OTOGL: variants seen among roughly 807,000 people sequenced by gnomAD.
The protein encoded by OTOGL is otogelin-like protein.
OTOGL carries 285 observed loss-of-function variants against 318.5 expected under a neutral mutation model. The observed-to-expected ratio is 0.89, with a 90% CI of 0.81 to 0.99. OTOGL has a LOEUF of 0.99. Ranked by LOEUF, OTOGL falls within the 50% of genes least tolerant of loss-of-function variation. The pLI, the probability that OTOGL is intolerant of heterozygous loss-of-function variation, is 0.00. For missense variants in OTOGL, 2,899 were observed against 2,845.6 expected (o/e 1.02, Z -0.43); for synonymous variants, 987 against 936.5 (o/e 1.05, Z -0.99).
intron 11 of OTOGL, among the ~76,000 whole-genome samples, chr12:80,241,849 G>T (rs1880408034): frequency 6.6e-6 from 1 of 152,062 alleles, no homozygotes; most frequent in Non-Finnish European, 1.5e-5. Flanking sequence ...TGATCTTGTT[G>T]CTACATTTTT....
chr12:80,250,523 T>C (rs1275169523), intron 11 of OTOGL, among the ~76,000 whole-genome samples: 1 of 152,200 alleles, frequency 6.6e-6, no homozygotes, highest in Non-Finnish European at 1.5e-5. Context: ...GTAATGTCTT[T>C]CCAGGAATTT....
At chr12:80,237,719 C>T (rs970958514) in intron 9 of OTOGL, among the ~76,000 whole-genome samples, 12 of 152,130 alleles carry the variant, frequency 7.9e-5, no homozygotes, top group African/African-American at 2.9e-4. Context: ...GATTTTACTC[C>T]AAGAGAGCAA....
At chr12:80,371,015 A>T (rs1890847674) in intron 56 of OTOGL, among the ~76,000 whole-genome samples, 2 of 152,080 alleles carry the variant, frequency 1.3e-5, no homozygotes, top group African/African-American at 4.8e-5. Flanking sequence ...GAGCTTGGCC[A>T]ATTTTCTTTC....
rs1380203281 is a variant in OTOGL, at chr12:80,308,069, G to A, written c.3333+2374G>A. On this transcript the variant is annotated intron_variant, in intron 29 of 58. Coordinates refer to ENST00000547103, the MANE Select transcript of OTOGL (RefSeq NM_001378609.3). ...GGGCTGATCCCCCCACCTCCCTCCC[G>A]GACGGGGCGGCTGGCCGGGTGGGGG... is the stretch of plus-strand genomic sequence containing the variant. Among the ~76,000 whole-genome samples, 17 of 137,904 alleles carry A rather than the reference G, an allele frequency of 1.2e-4. 1 individual carries two copies. Among genetic ancestry groups the A allele is most frequent in the South Asian group, 2.3e-4 (1 of 4,440 alleles). The allele number at this position is 137,904 out of a possible 152,430, so 90.5% of individuals were successfully genotyped here. A position where few individuals can be genotyped will look rare whatever the true frequency, so the allele number is the denominator to read the frequency against.
intron 34 of OTOGL, 113 bp downstream of exon 34, chr12:80,320,813 TA>T: frequency 8.7e-7 from 1 of 1,145,516 alleles, no homozygotes; most frequent in South Asian, 1.7e-5. Context: ...GATAGACTTT[TA>T]TGACCTTAAG....
Position 80,217,632 on chromosome 12 carries a change from A to G in OTOGL, c.203A>G (p.Asp68Gly). The change falls in exon 5 of 59, where the codon GAT becomes GGT. Residue 68 changes from aspartate (D) to glycine (G), a missense_variant. Physicochemically the swap from Asp to Gly is moderately conservative, Grantham distance 94. Transcript: ENST00000547103. ...ACTTCTCCGAGATACTTTTTCCATG[A>G]TGCTATTAATTGGGGTGAGAGCAAA... The part of the protein sequence containing the change: ...EATSPRYFFH[D>G]AINWGESKIK... 6.4e-7 allele frequency: 1 copy of G among 1,555,298 alleles called. No individual in the cohort carries two copies. The highest frequency in any genetic ancestry group is 1.2e-5 in the South Asian group (1 of 86,634).
At chr12:80,138,494 G>A (rs1214535341) in intron 1 of OTOGL, among the ~76,000 whole-genome samples, 1 of 152,126 alleles carries the variant, frequency 6.6e-6, no homozygotes, top group Non-Finnish European at 1.5e-5. Context: ...ATGAGAACAT[G>A]TGTTCTCCAG....
intron 8 of OTOGL, among the ~76,000 whole-genome samples, chr12:80,232,345 A>G (rs1171148349): frequency 6.6e-6 from 1 of 152,178 alleles, no homozygotes; most frequent in Non-Finnish European, 1.5e-5. Context: ...TTAGAAAACA[A>G]TGACTTATGT....
At chr12:80,125,258 A>AT (rs1233112817) in intron 1 of OTOGL, among the ~76,000 whole-genome samples, 5 of 152,280 alleles carry the variant, frequency 3.3e-5, no homozygotes, top group Non-Finnish European at 7.4e-5. Flanking sequence ...GGGTTGTTGA[A>AT]TTTTGTCAAA....
intron 1 of OTOGL, among the ~76,000 whole-genome samples, chr12:80,128,429 G>A (rs1056024225): frequency 1.2e-4 from 18 of 152,230 alleles, no homozygotes; most frequent in African/African-American, 4.3e-4. Flanking sequence ...ACCCGGCTAT[G>A]TGAGGTGTCA....
At chr12:80,363,915 T>A (rs1890380812) in intron 52 of OTOGL, among the ~76,000 whole-genome samples, 12 of 152,096 alleles carry the variant, frequency 7.9e-5, no homozygotes, top group Admixed American at 7.9e-4. Context: ...CTCTGTTTTT[T>A]ATTTATTTAT....
chr12:80,247,283 T>C lies in OTOGL; in HGVS notation c.1053-4410T>C, dbSNP rs1392007406. On this transcript the variant is annotated intron_variant, in intron 11 of 58. Transcript: ENST00000547103. Reference sequence around the variant, plus strand: ...GCTGTCAATTTTGGATCTTTCCTGCTTTCTCTTGTGGACATTTAGTGCTAT... The same window carrying C: ...GCTGTCAATTTTGGATCTTTCCTGCCTTCTCTTGTGGACATTTAGTGCTAT... 3.1e-3 allele frequency among the ~76,000 whole-genome samples: 449 copies of C among 145,362 alleles called. 27 individuals carry two copies. Among genetic ancestry groups the C allele is most frequent in the African/African-American group, 0.012 (427 of 35,016 alleles).
chr12:80,349,139 G>A (rs1401999928), intron 44 of OTOGL, among the ~76,000 whole-genome samples: 1 of 151,974 alleles, frequency 6.6e-6, no homozygotes, highest in African/African-American at 2.4e-5. Flanking sequence ...TGCATCATCA[G>A]AGTAAAAACA....
At chr12:80,150,359 A>G (rs1872710464) in intron 1 of OTOGL, among the ~76,000 whole-genome samples, 1 of 152,256 alleles carries the variant, frequency 6.6e-6, no homozygotes, top group South Asian at 2.1e-4. Flanking sequence ...CTTATTCAAT[A>G]AAAATGAAAA....
intron 1 of OTOGL, among the ~76,000 whole-genome samples, chr12:80,112,180 A>G (rs1162063201): frequency 3.3e-5 from 5 of 152,220 alleles, no homozygotes; most frequent in Admixed American, 3.3e-4. Flanking sequence ...ATATACAATC[A>G]TGTCATCTAA....
chr12:80,377,435 C>T (rs552359201), intron 58 of OTOGL, among the ~76,000 whole-genome samples: 1 of 152,242 alleles, frequency 6.6e-6, no homozygotes, highest in African/African-American at 2.4e-5. Context: ...GAAATTGAAT[C>T]TAAATGTATT....
intron 1 of OTOGL, among the ~76,000 whole-genome samples, chr12:80,112,001 A>G (rs932716539): frequency 6.6e-6 from 1 of 151,956 alleles, no homozygotes; most frequent in Admixed American, 6.6e-5. Context: ...TTTATTCTCT[A>G]TGTAGCAATT....
intron 8 of OTOGL, among the ~76,000 whole-genome samples, chr12:80,231,149 A>G (rs1472124647): frequency 6.6e-6 from 1 of 152,208 alleles, no homozygotes; most frequent in African/African-American, 2.4e-5. Context: ...TTACTCTGAA[A>G]TATATTTATA....
chr12:80,268,244 ACT>A, intron 22 of OTOGL, among the ~76,000 whole-genome samples: 1 of 152,282 alleles, frequency 6.6e-6, no homozygotes, highest in Non-Finnish European at 1.5e-5. Flanking sequence ...TCTAACCATT[ACT>A]GTGTACCTTG....
Sources: allele counts gnomAD v4.1 joint callset (sites outside exome capture counted in the v4.1 genomes callset), GRCh38; gene constraint gnomAD v4.1.1; transcripts MANE v1.5; gene names NCBI Gene and HGNC (gene_info 2026-07-23, HGNC 2026-07-21).